The following POLR2F variants were observed in gnomAD, a reference collection of about 807,000 sequenced individuals.
POLR2F encodes the protein DNA-directed RNA polymerases I, II, and III subunit RPABC2.
POLR2F carries 12 observed loss-of-function variants against 22.7 expected under a neutral mutation model. That is an observed-to-expected ratio of 0.53 (90% confidence interval 0.34 to 0.86). The LOEUF is 0.86. Among genes scored for constraint, POLR2F ranks in the 40% least tolerant of loss-of-function variants. The pLI is 0.02. For synonymous variants in POLR2F, 57 were observed against 66.0 expected (o/e 0.86, Z 0.66); for missense variants, 126 against 171.5 (o/e 0.73, Z 1.48).
chr22:38,027,856 T>C (rs2085029315), downstream of POLR2F, among the ~76,000 whole-genome samples: 1 of 152,048 alleles, frequency 6.6e-6, no homozygotes, highest in Admixed American at 6.5e-5. Flanking sequence ...CTGCCAATGT[T>C]TATTGAGCCC....
At chr22:37,957,406 T>G (rs1051534077) in intron 2 of POLR2F, among the ~76,000 whole-genome samples, 3 of 152,080 alleles carry the variant, frequency 2.0e-5, no homozygotes, top group African/African-American at 7.2e-5. Flanking sequence ...ATAAAAGAGT[T>G]ATTTCGGTGG....
intron 5 of POLR2F, among the ~76,000 whole-genome samples, chr22:38,038,571 C>T (rs781035732): frequency 6.6e-6 from 1 of 152,168 alleles, no homozygotes; most frequent in Non-Finnish European, 1.5e-5. Context: ...GAGCCCCTTG[C>T]GCCCGCGCCC....
chr22:37,985,161 A>G (rs1370727980), upstream of POLR2F: 13 of 152,196 alleles, frequency 8.5e-5, no homozygotes, highest in Non-Finnish European at 1.9e-4. Context: ...GACACCCAGC[A>G]CACGCGCGTT....
In POLR2F at chr22:37,980,521, C is replaced by T. The variant is rs1009207981; in HGVS notation, c.293+13351C>T. On this transcript the variant is annotated intron_variant, in intron 4 of 4. Coordinates refer to the POLR2F transcript ENST00000405557. This position sits in a 1 kb window ranked among gnomAD's most constrained non-coding sequence, Gnocchi z 4.1. ...CTAAGCCTGGGGCCACTGCCATCCCCGACCCCAGCTCCCTCCTCCACCAGC... is the reference window on the plus strand; with the variant it reads ...CTAAGCCTGGGGCCACTGCCATCCCTGACCCCAGCTCCCTCCTCCACCAGC... 6.6e-6 allele frequency among the ~76,000 whole-genome samples: 1 copy of T among 152,140 alleles called. No individual in the cohort carries two copies. Among genetic ancestry groups the T allele is most frequent in the Non-Finnish European group, 1.5e-5 (1 of 68,034 alleles).
At chr22:38,039,793 A>AT (rs917823772) in intron 5 of POLR2F, among the ~76,000 whole-genome samples, 117 of 152,290 alleles carry the variant, frequency 7.7e-4, no homozygotes, top group African/African-American at 2.6e-3. Context: ...GGCGAGGGCC[A>AT]TTGAGTTCAG....
At position 37,969,212 on chromosome 22, in the gene POLR2F, C is replaced by T. The variant is rs1016734260; in HGVS notation, c.*1497C>T. 9 of 985,220 alleles carry T rather than the reference C, an allele frequency of 9.1e-6. No individual in the cohort carries two copies. In the African/African-American group the frequency reaches 1.6e-4, roughly 17 times the overall value. The allele number at this position is 985,220 out of a possible 1,614,324, so 61.0% of individuals were successfully genotyped here. On this transcript the variant is annotated 3_prime_UTR_variant, in exon 5 of 5. Transcript: ENST00000442738. The stretch of plus-strand genomic sequence containing the variant: ...TGGGACAGAAGGGGTGTTTTTCCTC[C>T]TGTCTTCCTCTTCCCATTCTCCTCT...
chr22:38,036,660 C>G (rs893083890), intron 5 of POLR2F, among the ~76,000 whole-genome samples: 1 of 151,734 alleles, frequency 6.6e-6, no homozygotes, highest in African/African-American at 2.4e-5. Flanking sequence ...AACTGTGGGT[C>G]TCTCAGTTTC....
At chr22:37,990,847 T>C (rs1356760261) in intron 1 of POLR2F, among the ~76,000 whole-genome samples, 3 of 152,246 alleles carry the variant, frequency 2.0e-5, no homozygotes, top group Non-Finnish European at 4.4e-5. Flanking sequence ...ATGAATTGTA[T>C]TTCAAAACAA....
chr22:37,962,247 CAAAA>C (rs1054205313), intron 3 of POLR2F, among the ~76,000 whole-genome samples: 3 of 147,152 alleles, frequency 2.0e-5, no homozygotes, highest in Non-Finnish European at 4.5e-5. Flanking sequence ...AACAAACAAA[CAAAA>C]AAAAAACAAA....
intron 3 of POLR2F, among the ~76,000 whole-genome samples, chr22:37,964,558 T>C (rs543549878): frequency 6.7e-4 from 78 of 115,818 alleles, no homozygotes; most frequent in African/African-American, 2.6e-3. Flanking sequence ...TGTTTTTCTT[T>C]TCTTTCTTTC....
At chr22:38,008,575 A>G (rs572896572) in intron 1 of POLR2F, among the ~76,000 whole-genome samples, 33 of 150,056 alleles carry the variant, frequency 2.2e-4, no homozygotes, top group Non-Finnish European at 4.2e-4. Flanking sequence ...AACAACAACA[A>G]CAAAACATTA....
chr22:38,022,945 A>C (rs1346637651), intron 1 of POLR2F, among the ~76,000 whole-genome samples: 4 of 152,224 alleles, frequency 2.6e-5, no homozygotes, highest in Non-Finnish European at 5.9e-5. Context: ...CAGGGTGCGG[A>C]GGTTGCAGTG....
chr22:38,037,582 C>A (rs938581821), intron 5 of POLR2F, among the ~76,000 whole-genome samples: 1 of 144,422 alleles, frequency 6.9e-6, no homozygotes, highest in African/African-American at 2.6e-5. Context: ...CAATGCCTGG[C>A]CTCTTCCTAT....
Position 37,960,423 on chromosome 22 carries a change from A to C in POLR2F, c.221+947A>C, listed in dbSNP as rs1007976373. Among the ~76,000 whole-genome samples, 19 of 151,740 alleles carry C rather than the reference A, an allele frequency of 1.3e-4. 1 individual carries two copies. Among genetic ancestry groups the C allele is most frequent in the Non-Finnish European group, 2.1e-4 (14 of 67,940 alleles). ...ATTTTTTCTTTTTTCTTTGAGATGG[A>C]GTCTCGCTCTATCACCCAGCCTGGA... On this transcript the variant is annotated intron_variant, in intron 3 of 4. Coordinates refer to ENST00000442738, the MANE Select transcript of POLR2F (RefSeq NM_021974.5).
intron 4 of POLR2F, among the ~76,000 whole-genome samples, chr22:37,979,142 G>C (rs746633944): frequency 2.0e-5 from 3 of 151,128 alleles, no homozygotes; most frequent in Non-Finnish European, 4.4e-5. Flanking sequence ...CTGTCGCCCA[G>C]GCTGGAGTGC....
chr22:38,025,432 G>A (rs2084998637), intron 1 of POLR2F: 2 of 1,188,842 alleles, frequency 1.7e-6, no homozygotes, highest in Non-Finnish European at 2.2e-6. Context: ...AGATACACAT[G>A]TGCACACACT....
intron 1 of POLR2F, among the ~76,000 whole-genome samples, chr22:37,998,252 C>T (rs1047575797): frequency 4.6e-5 from 7 of 152,212 alleles, no homozygotes; most frequent in African/African-American, 7.2e-5. Flanking sequence ...AGGCCATGGC[C>T]GCCTCATCTC....
At chr22:37,955,206 T>G (rs886713834) in intron 1 of POLR2F, among the ~76,000 whole-genome samples, 3 of 149,200 alleles carry the variant, frequency 2.0e-5, no homozygotes, top group South Asian at 2.1e-4. Context: ...AATAAGGGTT[T>G]TTTTTTTTTT....
In POLR2F at chr22:37,968,022, A is replaced by G; in HGVS notation, c.*307A>G. 9.6e-7 allele frequency: 1 copy of G among 1,040,886 alleles called. No individual in the cohort carries two copies. The highest frequency in any genetic ancestry group is 1.2e-6 in the Non-Finnish European group (1 of 864,750). 64.5% of individuals were successfully genotyped at this position (1,040,886 alleles called of 1,614,324 possible). ...GGGGAGACACCTCAGCTGCCTTCCA[A>G]GCAGACAGACAAGTCTTTGTGCCCA... On this transcript the variant is annotated 3_prime_UTR_variant, in exon 5 of 5. Coordinates refer to ENST00000442738, the MANE Select transcript of POLR2F (RefSeq NM_021974.5).
Sources: gnomAD v4.1 joint callset for allele counts (sites outside exome capture counted in the v4.1 genomes callset) on GRCh38, gnomAD v4.1.1 for gene constraint, Gnocchi (gnomAD v3.1) non-coding constraint, MANE v1.5 for transcripts, NCBI Gene and HGNC (gene_info 2026-07-23, HGNC 2026-07-21) for gene names.